GPR107: variants seen among roughly 807,000 people sequenced by gnomAD.
GPR107 encodes the protein G protein-coupled receptor 107.
GPR107 carries 31 observed loss-of-function variants against 75.5 expected under a neutral mutation model. That is an observed-to-expected ratio of 0.41 (90% CI 0.31 to 0.55). The LOEUF (loss-of-function observed/expected upper bound fraction) is 0.55, where lower values mean the gene tolerates loss of function less well. Ranked by LOEUF, GPR107 falls within the 20% of genes least tolerant of loss-of-function variation. GPR107 has a pLI of 0.26. For missense variants in GPR107, 572 were observed against 665.7 expected (o/e 0.86, Z 1.55); for synonymous variants, 267 against 251.3 (o/e 1.06, Z -0.59).
intron 4 of GPR107, 51 bp downstream of exon 4, chr9:130,077,429 G>T (rs777016446): frequency 3.4e-6 from 3 of 892,714 alleles, no homozygotes; most frequent in South Asian, 2.6e-5. Flanking sequence ...GAGTCGGGGA[G>T]AATTTAGTAG....
intron 12 of GPR107, among the ~76,000 whole-genome samples, chr9:130,101,779 A>G (rs1022849502): frequency 7.2e-5 from 11 of 152,250 alleles, no homozygotes; most frequent in African/African-American, 2.2e-4. Flanking sequence ...AGAACTTACA[A>G]TGAACAGAGA....
intron 14 of GPR107, 94 bp downstream of exon 14, chr9:130,107,633 A>G (rs1831192041): frequency 1.2e-6 from 1 of 854,574 alleles, no homozygotes; most frequent in Non-Finnish European, 2.0e-6. Flanking sequence ...TATGGTGTCA[A>G]GATGCTGTCT....
At chr9:130,054,188 G>A (rs1188105479) in intron 1 of GPR107, 115 bp downstream of exon 1, 1 of 1,053,434 alleles carries the variant, frequency 9.5e-7, no homozygotes, top group Non-Finnish European at 1.3e-6. Flanking sequence ...TTTGCCCCTG[G>A]CTGCGGCCTT....
intron 14 of GPR107, among the ~76,000 whole-genome samples, chr9:130,117,080 G>A (rs1238874820): frequency 6.6e-6 from 1 of 151,894 alleles, no homozygotes; most frequent in Non-Finnish European, 1.5e-5. Context: ...CTGAGTAGCT[G>A]GGATTACAGG....
At chr9:130,105,629 C>G (rs747183321) in intron 13 of GPR107, among the ~76,000 whole-genome samples, 1 of 151,794 alleles carries the variant, frequency 6.6e-6, no homozygotes, top group East Asian at 1.9e-4. Context: ...GTCAGTTACT[C>G]TCATTATTTA....
chr9:130,054,007 A>G lies in GPR107; in HGVS notation c.75A>G (p.Pro25=). ...PRLAAGLRLL[P]MLGLLQLLAE... ...TGGCCGCGGGCCTCCGGCTGCTCCCAATGCTGGGTTTGCTGCAGTTGCTGG... is the reference window on the plus strand; with the variant it reads ...TGGCCGCGGGCCTCCGGCTGCTCCCGATGCTGGGTTTGCTGCAGTTGCTGG... Residue 25 remains proline, a synonymous_variant, in exon 1 of 18, where the codon CCA becomes CCG. Coordinates refer to ENST00000347136, the MANE Select transcript of GPR107 (RefSeq NM_020960.5). 6.4e-7 allele frequency: 1 copy of G among 1,553,876 alleles called. No individual in the cohort carries two copies.
chr9:130,101,715 G>A (rs1831035395), intron 12 of GPR107, among the ~76,000 whole-genome samples: 1 of 152,260 alleles, frequency 6.6e-6, no homozygotes, highest in Admixed American at 6.5e-5. Context: ...TTACAAGGCT[G>A]TGAGTCTTTT....
At chr9:130,101,076 C>A in intron 11 of GPR107, 30 bp from the exon 12 acceptor site, 1 of 1,193,642 alleles carries the variant, frequency 8.4e-7, no homozygotes, top group Non-Finnish European at 1.3e-6. Context: ...AAGAGACCTG[C>A]TGGTGTCTGT....
In GPR107 at chr9:130,123,910, T is replaced by C. The variant is rs898297292; in HGVS notation, c.1307-1005T>C. Among the ~76,000 whole-genome samples the C allele has an allele frequency of 2.0e-5, 3 of 152,326 alleles. No individual in the cohort carries two copies. In the East Asian group the frequency reaches 5.8e-4, roughly 29 times the overall value. ...GGTGTTGTGTGCGTGCCTGCGTGAA[T>C]CTGCTGCAGCCCCAGAGGCAGGTGT... On this transcript the variant is annotated intron_variant, in intron 14 of 17. Transcript: ENST00000347136.
In GPR107 at chr9:130,097,380, C is replaced by T. The variant is rs1180925359; in HGVS notation, c.864-2077C>T. ...GTGTTGGCCAAGCAGGTCTTGAACTCCTGGCCTCAAGAGATCCTCCCGCCT... is the reference window on the plus strand; with the variant it reads ...GTGTTGGCCAAGCAGGTCTTGAACTTCTGGCCTCAAGAGATCCTCCCGCCT... On this transcript the variant is annotated intron_variant, in intron 9 of 17. Coordinates refer to ENST00000347136, the MANE Select transcript of GPR107 (RefSeq NM_020960.5). Among the ~76,000 whole-genome samples the T allele has an allele frequency of 2.6e-5, 4 of 152,004 alleles. No homozygotes were observed. In the South Asian group the frequency reaches 6.2e-4, roughly 24 times the overall value.
At chr9:130,058,874 G>A (rs1457847977) in intron 1 of GPR107, among the ~76,000 whole-genome samples, 5 of 152,066 alleles carry the variant, frequency 3.3e-5, no homozygotes, top group Non-Finnish European at 7.3e-5. Flanking sequence ...GTCTTCCAGC[G>A]TGTGGATATA....
chr9:130,100,768 A>C, intron 11 of GPR107, 66 bp downstream of exon 11: 2 of 1,170,324 alleles, frequency 1.7e-6, no homozygotes, highest in Non-Finnish European at 2.6e-6. Flanking sequence ...GGTGGGCAAC[A>C]ACCTGCCCCA....
Position 130,106,000 on chromosome 9 carries a change from G to A in GPR107, c.1262+1450G>A, listed in dbSNP as rs539206661. On this transcript the variant is annotated intron_variant, in intron 13 of 17. Coordinates refer to ENST00000347136, the MANE Select transcript of GPR107 (RefSeq NM_020960.5). ...TTCCTCCTCACTGCAGCCTCCTGCC[G>A]TCCTGCACAGGAATTAGTCACTCGG... is the stretch of plus-strand genomic sequence containing the variant. Among the ~76,000 whole-genome samples, 23 of 152,218 alleles carry A rather than the reference G, an allele frequency of 1.5e-4. No homozygotes were observed. In the South Asian group the frequency reaches 3.5e-3, roughly 23 times the overall value.
intron 9 of GPR107, among the ~76,000 whole-genome samples, chr9:130,097,155 C>CTTTTTT (rs71387312): frequency 2.3e-5 from 3 of 130,172 alleles, no homozygotes; most frequent in Non-Finnish European, 3.1e-5. Context: ...TCTTTTTTTT[C>CTTTTTT]TTTTTTTTTT....
intron 17 of GPR107, chr9:130,133,265 TAGAG>T (rs1831873445): frequency 6.6e-6 from 1 of 152,234 alleles, no homozygotes; most frequent in Non-Finnish European, 1.5e-5. Context: ...AGTATTTTCT[TAGAG>T]AAAGAAAGGG....
chr9:130,125,820 C>T (rs1203766488), intron 15 of GPR107, among the ~76,000 whole-genome samples: 10 of 151,722 alleles, frequency 6.6e-5, no homozygotes, highest in Admixed American at 3.3e-4. Flanking sequence ...GAGACCGAGG[C>T]GGGCAGATCA....
In GPR107 at chr9:130,094,923, C is replaced by T. The variant is rs1830827366; in HGVS notation, c.863+2542C>T. The stretch of plus-strand genomic sequence containing the variant: ...CTTGAACTCCTGACCTCAGGTGATC[C>T]ACCTGCCTTGGCCTCCCAAAGTGCT... On this transcript the variant is annotated intron_variant, in intron 9 of 17. Coordinates refer to ENST00000347136, the MANE Select transcript of GPR107 (RefSeq NM_020960.5). 4.6e-5 allele frequency among the ~76,000 whole-genome samples: 7 copies of T among 152,230 alleles called. No individual in the cohort carries two copies. The South Asian group carries it at 1.5e-3, about 32-fold the overall frequency.
intron 1 of GPR107, among the ~76,000 whole-genome samples, chr9:130,073,863 C>G (rs1488362045): frequency 1.3e-5 from 2 of 152,222 alleles, no homozygotes; most frequent in African/African-American, 4.8e-5. Flanking sequence ...TCAAGTGATT[C>G]TCCTGCCTCA....
At chr9:130,098,715 A>T (rs997700666) in intron 9 of GPR107, among the ~76,000 whole-genome samples, 1 of 152,186 alleles carries the variant, frequency 6.6e-6, no homozygotes, top group East Asian at 1.9e-4. Flanking sequence ...AACGTACTTT[A>T]TAAAAAAAGT....
Sources: allele counts gnomAD v4.1 joint callset (sites outside exome capture counted in the v4.1 genomes callset), GRCh38; gene constraint gnomAD v4.1.1; transcripts MANE v1.5; gene names NCBI Gene and HGNC (gene_info 2026-07-23, HGNC 2026-07-21).